KCTD16: variants seen among roughly 807,000 people sequenced by gnomAD.
KCTD16 encodes the protein BTB/POZ domain-containing protein KCTD16.
KCTD16 carries 13 observed loss-of-function variants against 33.2 expected under a neutral mutation model. The ratio of observed to expected loss-of-function variants is 0.39; its 90% CI spans 0.25 to 0.62. The LOEUF is 0.62. Among genes scored for constraint, KCTD16 ranks in the 20% least tolerant of loss-of-function variants. The pLI is 0.50. For missense variants in KCTD16, 441 were observed against 525.1 expected (o/e 0.84, Z 1.57); for synonymous variants, 197 against 195.3 (o/e 1.01, Z -0.07).
Position 144,331,226 on chromosome 5 carries a change from T to C in KCTD16, c.832+123680T>C, listed in dbSNP as rs1037559047. On this transcript the variant is annotated intron_variant, in intron 3 of 3. Transcript: ENST00000512467. Reference sequence around the variant, plus strand: ...CATCAGTTACTTGAGGCACTGACTATGGAGTGGGCCTGGTCTTGTGGACAT... The same window carrying C: ...CATCAGTTACTTGAGGCACTGACTACGGAGTGGGCCTGGTCTTGTGGACAT... Among the ~76,000 whole-genome samples the C allele has an allele frequency of 2.0e-5, 3 of 152,298 alleles. No homozygotes were observed. The South Asian group carries it at 6.2e-4, about 32-fold the overall frequency.
At chr5:144,441,588 T>A (rs1753708825) in intron 3 of KCTD16, among the ~76,000 whole-genome samples, 1 of 152,122 alleles carries the variant, frequency 6.6e-6, no homozygotes, top group Non-Finnish European at 1.5e-5. Flanking sequence ...TATTCTTTTC[T>A]TATTGAGTTA....
chr5:144,375,503 T>G (rs1302631913), intron 3 of KCTD16, among the ~76,000 whole-genome samples: 3 of 152,142 alleles, frequency 2.0e-5, no homozygotes, highest in Non-Finnish European at 4.4e-5. Context: ...TCCTGTGATC[T>G]GGGACATGGG....
chr5:144,299,110 A>ATTTTTG (rs1756148885), intron 3 of KCTD16, among the ~76,000 whole-genome samples: 6 of 11,460 alleles, frequency 5.2e-4, no homozygotes, highest in Admixed American at 7.9e-4. Flanking sequence ...ATATATATAT[A>ATTTTTG]TATATATATA....
chr5:144,432,516 T>G (rs1561605926), intron 3 of KCTD16, among the ~76,000 whole-genome samples: 1 of 152,268 alleles, frequency 6.6e-6, no homozygotes, highest in South Asian at 2.1e-4. Flanking sequence ...AAATGATATC[T>G]TTGAAAAACA....
intron 3 of KCTD16, among the ~76,000 whole-genome samples, chr5:144,343,854 G>T (rs955030631): frequency 1.3e-5 from 2 of 152,232 alleles, no homozygotes; most frequent in South Asian, 2.1e-4. Flanking sequence ...AGTCATTCAG[G>T]TGCATTTGTT....
chr5:144,193,647 T>A (rs1272384329), intron 2 of KCTD16, among the ~76,000 whole-genome samples: 6 of 152,204 alleles, frequency 3.9e-5, no homozygotes, highest in Non-Finnish European at 8.8e-5. Flanking sequence ...AGTTCCATGA[T>A]GGCAAAGAGC....
At chr5:144,194,445 A>G (rs1752902586) in intron 2 of KCTD16, among the ~76,000 whole-genome samples, 1 of 152,208 alleles carries the variant, frequency 6.6e-6, no homozygotes, top group Admixed American at 6.5e-5. Flanking sequence ...TCACATCTGT[A>G]AGGGGTCCAG....
intron 3 of KCTD16, among the ~76,000 whole-genome samples, chr5:144,470,999 G>T (rs891715472): frequency 2.0e-5 from 3 of 152,130 alleles, no homozygotes; most frequent in Non-Finnish European, 4.4e-5. Flanking sequence ...TGGCTATGGT[G>T]AAACCGCCTC....
At chr5:144,438,332 C>T (rs1010529449) in intron 3 of KCTD16, among the ~76,000 whole-genome samples, 7 of 152,216 alleles carry the variant, frequency 4.6e-5, no homozygotes, top group Middle Eastern at 3.2e-3. Context: ...ATGACTCACA[C>T]ATAGCTGAAA....
At chr5:144,213,322 T>C (rs1350123077) in intron 3 of KCTD16, among the ~76,000 whole-genome samples, 1 of 152,098 alleles carries the variant, frequency 6.6e-6, no homozygotes, top group Non-Finnish European at 1.5e-5. Context: ...CCTCCCTTTC[T>C]TTCTCTTGCT....
At chr5:144,195,155 C>T (rs1236672971) in intron 2 of KCTD16, among the ~76,000 whole-genome samples, 2 of 152,134 alleles carry the variant, frequency 1.3e-5, no homozygotes, top group African/African-American at 4.8e-5. Flanking sequence ...ACCACCATCC[C>T]CCAATTGTTA....
intron 3 of KCTD16, among the ~76,000 whole-genome samples, chr5:144,435,169 A>T (rs1382141073): frequency 6.6e-6 from 1 of 152,230 alleles, no homozygotes; most frequent in Non-Finnish European, 1.5e-5. Context: ...ATATTTTAAA[A>T]GCCCTGATAG....
chr5:144,445,800 A>AT (rs1354140954), intron 3 of KCTD16, among the ~76,000 whole-genome samples: 2 of 150,716 alleles, frequency 1.3e-5, no homozygotes, highest in African/African-American at 4.9e-5. Flanking sequence ...CATAGTAGAT[A>AT]TTTTTTCTCA....
chr5:144,261,191 A>G (rs1755002187), intron 3 of KCTD16, among the ~76,000 whole-genome samples: 1 of 151,324 alleles, frequency 6.6e-6, no homozygotes, highest in African/African-American at 2.4e-5. Flanking sequence ...AAAAGAAAAA[A>G]AAAAAAGGAA....
chr5:144,454,079 T>C (rs1341893021), intron 3 of KCTD16, among the ~76,000 whole-genome samples: 3 of 152,216 alleles, frequency 2.0e-5, no homozygotes, highest in Non-Finnish European at 2.9e-5. Flanking sequence ...TAATTAGTGT[T>C]CTAGACTGGC....
intron 3 of KCTD16, among the ~76,000 whole-genome samples, chr5:144,405,130 T>C (rs1474320649): frequency 6.6e-6 from 1 of 152,208 alleles, no homozygotes; most frequent in Non-Finnish European, 1.5e-5. Flanking sequence ...ATCACAGCTA[T>C]GAAAGCCAGA....
At chr5:144,259,361 T>A (rs1013851592) in intron 3 of KCTD16, among the ~76,000 whole-genome samples, 7 of 149,964 alleles carry the variant, frequency 4.7e-5, no homozygotes, top group African/African-American at 1.5e-4. Flanking sequence ...TTGATTAGTA[T>A]CAAATTGAAA....
At chr5:144,184,305 T>C (rs576953420) in intron 2 of KCTD16, among the ~76,000 whole-genome samples, 4 of 152,326 alleles carry the variant, frequency 2.6e-5, no homozygotes, top group Admixed American at 2.0e-4. Context: ...ATTTGACTAC[T>C]GTATATAGTA....
rs1754626744 is a variant in KCTD16 at position 144,477,813 on chromosome 5, G to T, written c.*3699G>T. 1 of 72,114 alleles carries T rather than the reference G, an allele frequency of 1.4e-5. No homozygotes were observed. The highest frequency in any genetic ancestry group is 5.6e-5 in the African/African-American group (1 of 17,808). The allele number at this position is 72,114 out of a possible 1,614,324, so 4.5% of individuals were successfully genotyped here. On this transcript the variant is annotated 3_prime_UTR_variant, in exon 4 of 4. Transcript: ENST00000512467. ...TGTAGATCTGTGAATTTGAGTGCTG[G>T]TATTTTCTGCCACTATATACCATGC...
Sources: gnomAD v4.1 joint callset for allele counts (sites outside exome capture counted in the v4.1 genomes callset) on GRCh38, gnomAD v4.1.1 for gene constraint, MANE v1.5 for transcripts, NCBI Gene and HGNC (gene_info 2026-07-23, HGNC 2026-07-21) for gene names.